Variants in SNTB1 observed in about 807,000 individuals in gnomAD.
SNTB1 encodes beta-1-syntrophin.
SNTB1 carries 36 observed loss-of-function variants against 48.9 expected under a neutral mutation model. That is an observed-to-expected ratio of 0.74 (90% CI 0.56 to 0.97). The LOEUF (loss-of-function observed/expected upper bound fraction) is 0.97, where lower values mean the gene tolerates loss of function less well. Ranked by LOEUF, SNTB1 falls within the 50% of genes least tolerant of loss-of-function variation. SNTB1 has a pLI of 0.00. For synonymous variants in SNTB1, 299 were observed against 294.6 expected, an observed-to-expected ratio of 1.01 and a Z score of -0.15; for missense variants, 786 against 703.4, an observed-to-expected ratio of 1.12 and a Z score of -1.33.
At chr8:120,696,372 T>A (rs1405806408) in intron 1 of SNTB1, among the ~76,000 whole-genome samples, 1 of 152,174 alleles carries the variant, frequency 6.6e-6, no homozygotes, top group Non-Finnish European at 1.5e-5. Context: ...TGCTTTATAA[T>A]TTTTATTGCA....
intron 2 of SNTB1, among the ~76,000 whole-genome samples, chr8:120,665,423 G>A (rs1447318947): frequency 2.0e-5 from 3 of 151,208 alleles, no homozygotes; most frequent in Non-Finnish European, 4.4e-5. Context: ...CTCCAGCCTG[G>A]GCAATAGAGC....
At chr8:120,585,350 A>G (rs1441158733) in intron 3 of SNTB1, among the ~76,000 whole-genome samples, 1 of 152,190 alleles carries the variant, frequency 6.6e-6, no homozygotes, top group African/African-American at 2.4e-5. Flanking sequence ...GCAGCAGGCC[A>G]TGCTTCTCTT....
intron 1 of SNTB1, among the ~76,000 whole-genome samples, chr8:120,742,985 G>C (rs1209961445): frequency 1.3e-5 from 2 of 152,096 alleles, no homozygotes; most frequent in African/African-American, 4.8e-5. Flanking sequence ...AAGAGGAGAG[G>C]TACAGAGACT....
intron 1 of SNTB1, among the ~76,000 whole-genome samples, chr8:120,800,143 C>T (rs1420564307): frequency 6.6e-6 from 1 of 151,900 alleles, no homozygotes; most frequent in African/African-American, 2.4e-5. Context: ...CTTGGGGCAC[C>T]CTATGTACCC....
intron 3 of SNTB1, among the ~76,000 whole-genome samples, chr8:120,612,926 T>G (rs540177162): frequency 6.6e-6 from 1 of 152,360 alleles, no homozygotes; most frequent in South Asian, 2.1e-4. Flanking sequence ...CTCTTCTAGC[T>G]ATTTTGAAAT....
chr8:120,783,416 T>C (rs1249426612), intron 1 of SNTB1, among the ~76,000 whole-genome samples: 1 of 152,168 alleles, frequency 6.6e-6, no homozygotes, highest in African/African-American at 2.4e-5. Context: ...TTATACTGAA[T>C]ACACATGTGC....
chr8:120,563,020 C>G (rs1815688368), intron 4 of SNTB1, among the ~76,000 whole-genome samples: 1 of 152,116 alleles, frequency 6.6e-6, no homozygotes. Flanking sequence ...CTTCAATTCC[C>G]CTTTCAAGGC....
At chr8:120,644,356 C>T (rs1817246833) in intron 2 of SNTB1, among the ~76,000 whole-genome samples, 1 of 133,720 alleles carries the variant, frequency 7.5e-6, no homozygotes, top group Non-Finnish European at 1.5e-5. Context: ...TATTCCCCTT[C>T]CTGTGTCCAT....
In SNTB1 at chr8:120,756,961, A is replaced by G. The variant is rs552205130; in HGVS notation, c.571+54312T>C. On this transcript the variant is annotated intron_variant, in intron 1 of 6. Transcript: ENST00000517992. ...TAGGAAGAACCTGATCTTTTGCTCC[A>G]TGGGCATGGGATGGAATATAAATTC... is the stretch of plus-strand genomic sequence containing the variant. Among the ~76,000 whole-genome samples, 78 of 152,308 alleles carry G rather than the reference A, an allele frequency of 5.1e-4. 1 individual carries two copies. Among genetic ancestry groups the G allele is most frequent in the South Asian group, 8.3e-4 (4 of 4,832 alleles).
intron 2 of SNTB1, among the ~76,000 whole-genome samples, chr8:120,687,621 A>G (rs1223554395): frequency 6.6e-6 from 1 of 152,208 alleles, no homozygotes; most frequent in Non-Finnish European, 1.5e-5. Context: ...CACTTTCATG[A>G]CAATTTAATT....
chr8:120,691,281 T>C (rs1050830708), intron 2 of SNTB1, among the ~76,000 whole-genome samples: 6 of 152,258 alleles, frequency 3.9e-5, no homozygotes, highest in African/African-American at 1.4e-4. Context: ...AGTAAGCTTT[T>C]GTCTCAGTTT....
chr8:120,669,146 T>C (rs34477376), intron 2 of SNTB1, among the ~76,000 whole-genome samples: 27,027 of 152,170 alleles, frequency 0.18, 2,961 homozygotes, highest in Non-Finnish European at 0.24. Context: ...GTTGGAGCAG[T>C]TGACATTTTG....
chr8:120,742,452 T>C (rs73323122), intron 1 of SNTB1, among the ~76,000 whole-genome samples: 19,997 of 152,032 alleles, frequency 0.13, 1,720 homozygotes, highest in African/African-American at 0.24. Context: ...TTGTCTGAGG[T>C]GATTTATTTC....
chr8:120,665,036 A>G (rs1379080821), intron 2 of SNTB1, among the ~76,000 whole-genome samples: 1 of 152,206 alleles, frequency 6.6e-6, no homozygotes, highest in South Asian at 2.1e-4. Context: ...GAAGTAGATC[A>G]CCTTTTCCTG....
rs201478933 is a variant in SNTB1, at chr8:120,738,545, T to TTTCCTTCCTTCCTTCCTTCCTTCCTTCC, written c.572-44665_572-44638dup. ...CCTACCTACCTCCCTTCCTTCCTTC[T>TTTCCTTCCTTCCTTCCTTCCTTCCTTCC]TTCCTTCCTTCCTTCCTTCCTTCCT... On this transcript the variant is annotated intron_variant, in intron 1 of 6. Transcript: ENST00000517992. Among the ~76,000 whole-genome samples, 119 of 135,820 alleles carry TTTCCTTCCTTCCTTCCTTCCTTCCTTCC rather than the reference T, an allele frequency of 8.8e-4. 1 individual carries two copies. The highest frequency in any genetic ancestry group is 1.3e-3 in the South Asian group (5 of 3,912). 89.1% of individuals were successfully genotyped at this position (135,820 alleles called of 152,430 possible). A position where few individuals can be genotyped will look rare whatever the true frequency, so the allele number is the denominator to read the frequency against.
At chr8:120,780,884 C>T (rs1363226393) in intron 1 of SNTB1, among the ~76,000 whole-genome samples, 2 of 152,118 alleles carry the variant, frequency 1.3e-5, no homozygotes, top group African/African-American at 2.4e-5. Flanking sequence ...TTTAAGTTCA[C>T]CTTTTGTTTT....
chr8:120,743,829 T>C (rs1038467541), intron 1 of SNTB1, among the ~76,000 whole-genome samples: 1 of 152,200 alleles, frequency 6.6e-6, no homozygotes, highest in Non-Finnish European at 1.5e-5. Flanking sequence ...GTCATTTCTT[T>C]ATAAAAATTT....
intron 2 of SNTB1, among the ~76,000 whole-genome samples, chr8:120,671,390 G>T (rs1045523705): frequency 1.3e-5 from 2 of 152,176 alleles, no homozygotes; most frequent in African/African-American, 4.8e-5. Flanking sequence ...TAATGACTGT[G>T]TTCTTATAAG....
intron 1 of SNTB1, among the ~76,000 whole-genome samples, chr8:120,706,401 G>C (rs6989253): frequency 0.15 from 23,396 of 151,962 alleles, 2,464 homozygotes; most frequent in African/African-American, 0.31. Context: ...AAAAGGCATA[G>C]AAACCTAAAA....
Sources: gnomAD v4.1 joint callset for allele counts (sites outside exome capture counted in the v4.1 genomes callset) on GRCh38, gnomAD v4.1.1 for gene constraint, MANE v1.5 for transcripts, NCBI Gene and HGNC (gene_info 2026-07-23, HGNC 2026-07-21) for gene names.